PDK3: variants seen among roughly 807,000 people sequenced by gnomAD.
The protein encoded by PDK3 is pyruvate dehydrogenase kinase 3.
PDK3 carries 12 observed loss-of-function variants against 32.0 expected under a neutral mutation model. The ratio of observed to expected loss-of-function variants is 0.37; its 90% CI spans 0.24 to 0.61. The LOEUF is 0.61. Among genes scored for constraint, PDK3 ranks in the 20% least tolerant of loss-of-function variants. The pLI, the probability that PDK3 is intolerant of heterozygous loss-of-function variation, is 0.65. For synonymous variants in PDK3, 122 were observed against 116.3 expected (o/e 1.05, Z -0.31); for missense variants, 188 against 316.9 (o/e 0.59, Z 3.09).
intron 6 of PDK3, among the ~76,000 whole-genome samples, chrX:24,524,475 G>C (rs957734082): frequency 9.0e-6 from 1 of 111,576 alleles, no homozygotes; most frequent in Non-Finnish European, 1.9e-5. Flanking sequence ...AGTTGGAGGA[G>C]TATAAAGAAA....
intron 10 of PDK3, among the ~76,000 whole-genome samples, chrX:24,533,065 C>T (rs1001397708): frequency 9.1e-6 from 1 of 110,281 alleles, no homozygotes; most frequent in Non-Finnish European, 1.9e-5. Context: ...ATTCCAAAAT[C>T]GGAAAAAATC....
chrX:24,527,735 C>T (rs946520594), intron 8 of PDK3, 60 bp downstream of exon 8: 16 of 658,505 alleles, frequency 2.4e-5, no homozygotes, highest in Non-Finnish European at 3.7e-5. Context: ...AGTATCTAGA[C>T]ATTGAAAAAT....
chrX:24,491,788 T>G (rs745876239), intron 1 of PDK3, among the ~76,000 whole-genome samples: 1 of 110,006 alleles, frequency 9.1e-6, no homozygotes, highest in African/African-American at 3.3e-5. Flanking sequence ...AACCCCCTCT[T>G]TACTAAAAAT....
chrX:24,469,875 A>G (rs1349479792), intron 1 of PDK3, among the ~76,000 whole-genome samples: 2 of 112,304 alleles, frequency 1.8e-5, no homozygotes, highest in Non-Finnish European at 3.8e-5. Context: ...CTACAGTGAA[A>G]TTAACATATC....
At chrX:24,469,223 G>A (rs1449960434) in intron 1 of PDK3, among the ~76,000 whole-genome samples, 1 of 111,664 alleles carries the variant, frequency 9.0e-6, no homozygotes, top group Admixed American at 9.6e-5. Context: ...ATGCATGTCC[G>A]CGTGTATCTG....
At chrX:24,478,335 CTG>C (rs1415271284) in intron 1 of PDK3, among the ~76,000 whole-genome samples, 76 of 111,361 alleles carry the variant, frequency 6.8e-4, no homozygotes, top group African/African-American at 2.4e-3. Context: ...TGGCTCATAT[CTG>C]TAGTCCCAGC....
chrX:24,525,955 CAA>C (rs1010268183), intron 6 of PDK3, among the ~76,000 whole-genome samples: 9 of 112,405 alleles, frequency 8.0e-5, no homozygotes, highest in African/African-American at 2.3e-4. Flanking sequence ...AACAAAGTTT[CAA>C]AGAGATTGAG....
chrX:24,504,784 G>A (rs1043023155), intron 4 of PDK3, among the ~76,000 whole-genome samples: 7 of 112,225 alleles, frequency 6.2e-5, no homozygotes, highest in African/African-American at 2.3e-4. Context: ...TGCTGCCAGC[G>A]AAGACACTTT....
At chrX:24,527,286 G>A (rs1457195214) in intron 7 of PDK3, among the ~76,000 whole-genome samples, 4 of 75,686 alleles carry the variant, frequency 5.3e-5, no homozygotes, top group Middle Eastern at 6.2e-3. Flanking sequence ...TTTAAATACC[G>A]TAAAGCGAAA....
intron 1 of PDK3, among the ~76,000 whole-genome samples, chrX:24,470,968 C>A (rs758530493): frequency 9.1e-6 from 1 of 110,494 alleles, no homozygotes; most frequent in Admixed American, 9.8e-5. Context: ...AAATTAGGTG[C>A]TTTCTGTTCT....
intron 7 of PDK3, among the ~76,000 whole-genome samples, chrX:24,527,267 G>T (rs1268426870): frequency 1.0e-5 from 1 of 100,329 alleles, no homozygotes; most frequent in Non-Finnish European, 2.0e-5. Context: ...TCTGGGTTGA[G>T]TTGAATAATT....
intron 1 of PDK3, among the ~76,000 whole-genome samples, chrX:24,485,350 A>G (rs1265582599): frequency 8.9e-6 from 1 of 112,170 alleles, no homozygotes; most frequent in African/African-American, 3.2e-5. Context: ...TCCATCTCAA[A>G]AAAGTAAAAC....
At chrX:24,469,427 A>G (rs1249941282) in intron 1 of PDK3, among the ~76,000 whole-genome samples, 1 of 110,269 alleles carries the variant, frequency 9.1e-6, no homozygotes, top group Admixed American at 9.8e-5. Flanking sequence ...AAAATGATAT[A>G]TCTAGATAGA....
At chrX:24,520,317 C>T (rs1468793538) in intron 6 of PDK3, among the ~76,000 whole-genome samples, 2 of 112,203 alleles carry the variant, frequency 1.8e-5, no homozygotes, top group Non-Finnish European at 1.9e-5. Context: ...CATTGTTTAA[C>T]TGAATTGTGG....
At chrX:24,514,677 A>T (rs1413045440) in intron 5 of PDK3, among the ~76,000 whole-genome samples, 1 of 111,646 alleles carries the variant, frequency 9.0e-6, no homozygotes, top group Admixed American at 9.6e-5. Context: ...ACTTAAACAG[A>T]AATGTCCTGT....
At chrX:24,544,874 C>A (rs1030121748) in exon 12 of PDK3, among the ~76,000 whole-genome samples, 1 of 111,990 alleles carries the variant, frequency 8.9e-6, no homozygotes, top group African/African-American at 3.3e-5. Context: ...AGCTAATGTC[C>A]TTCATAATCT....
intron 1 of PDK3, among the ~76,000 whole-genome samples, chrX:24,486,404 C>T (rs1287376421): frequency 9.0e-6 from 1 of 111,284 alleles, no homozygotes; most frequent in Admixed American, 9.6e-5. Flanking sequence ...AAGATCTAGT[C>T]ACCCTGCAGC....
chrX:24,537,122 T>C (rs553731838), downstream of PDK3, among the ~76,000 whole-genome samples: 1,076 of 96,395 alleles, frequency 0.011, 9 homozygotes, highest in African/African-American at 0.013. Context: ...CTTTTCTTTT[T>C]TTTTTTTTTT....
chrX:24,489,754 C>T (rs1398893953), intron 1 of PDK3, among the ~76,000 whole-genome samples: 1 of 108,406 alleles, frequency 9.2e-6, no homozygotes, highest in East Asian at 2.8e-4. Context: ...CTTCTGAAAG[C>T]ATTATCTATT....
Sources: gnomAD v4.1 joint callset for allele counts (sites outside exome capture counted in the v4.1 genomes callset) on GRCh38, gnomAD v4.1.1 for gene constraint, MANE v1.5 for transcripts, NCBI Gene and HGNC (gene_info 2026-07-23, HGNC 2026-07-21) for gene names.